The following COL25A1 variants were observed in gnomAD, a reference collection of about 807,000 sequenced individuals.
The protein encoded by COL25A1 is collagen alpha-1(XXV) chain.
In COL25A1, 103 loss-of-function variants were observed where a neutral mutation model predicts 128.4. The observed-to-expected ratio is 0.80, with a 90% confidence interval of 0.68 to 0.94. COL25A1 has a LOEUF of 0.94. COL25A1 is among the 40% of genes least tolerant of loss of function. The pLI, the probability that COL25A1 is intolerant of heterozygous loss-of-function variation, is 0.00. For missense variants in COL25A1, 745 were observed against 840.0 expected, an observed-to-expected ratio of 0.89 and a Z score of 1.40; for synonymous variants, 279 against 277.2, an observed-to-expected ratio of 1.01 and a Z score of -0.06.
chr4:108,883,249 G>C (rs76027490), intron 19 of COL25A1, among the ~76,000 whole-genome samples: 1 of 151,846 alleles, frequency 6.6e-6, no homozygotes, highest in Non-Finnish European at 1.5e-5. Context: ...GGCTGGTTTC[G>C]AACTCCTGAC....
chr4:108,926,206 A>G (rs1746044436), intron 11 of COL25A1, among the ~76,000 whole-genome samples: 1 of 152,174 alleles, frequency 6.6e-6, no homozygotes, highest in African/African-American at 2.4e-5. Context: ...GCCTCTTGGG[A>G]CATGTTTTAA....
intron 6 of COL25A1, among the ~76,000 whole-genome samples, chr4:108,974,941 T>C (rs1370195517): frequency 1.3e-5 from 2 of 152,182 alleles, no homozygotes; most frequent in Non-Finnish European, 2.9e-5. Context: ...CCTGACAATA[T>C]AGATTAGCTT....
At chr4:109,155,842 A>G (rs190122327) in intron 3 of COL25A1, among the ~76,000 whole-genome samples, 25 of 152,350 alleles carry the variant, frequency 1.6e-4, no homozygotes, top group Admixed American at 1.6e-3. Context: ...AAATTAGCCA[A>G]TGCTTTTGGA....
At chr4:108,988,391 C>T (rs1753850162) in intron 6 of COL25A1, among the ~76,000 whole-genome samples, 1 of 152,194 alleles carries the variant, frequency 6.6e-6, no homozygotes, top group South Asian at 2.1e-4. Flanking sequence ...GTGTATCCAA[C>T]ATGCTTCCAA....
intron 24 of COL25A1, among the ~76,000 whole-genome samples, chr4:108,859,150 T>G (rs1375620317): frequency 6.6e-6 from 1 of 152,188 alleles, no homozygotes; most frequent in African/African-American, 2.4e-5. Flanking sequence ...TCTAAGAGTA[T>G]AATATATATT....
rs181023536 is a variant in COL25A1 at position 109,111,171 on chromosome 4, C to T, written c.368-60992G>A. On this transcript the variant is annotated intron_variant, in intron 3 of 37. Transcript: ENST00000399132. ...TATTTGATGTACTATGTGGTGTTTT[C>T]GCAATGACTGTTCTTTCTGCAGGAA... Among the ~76,000 whole-genome samples, 325 of 152,288 alleles carry T rather than the reference C, an allele frequency of 2.1e-3. 3 individuals are homozygous for T. The highest frequency in any genetic ancestry group is 7.2e-3 in the African/African-American group (298 of 41,574).
chr4:108,901,092 A>G (rs1253179537), intron 14 of COL25A1, 27 bp downstream of exon 14: 16 of 1,568,810 alleles, frequency 1.0e-5, no homozygotes, highest in Non-Finnish European at 1.3e-5. Context: ...GTGTCAAATG[A>G]TTCTGCTTGG....
chr4:108,967,664 T>C (rs952815301), intron 8 of COL25A1, among the ~76,000 whole-genome samples: 5 of 152,216 alleles, frequency 3.3e-5, no homozygotes, highest in Non-Finnish European at 7.4e-5. Context: ...TCCTCCCTGA[T>C]AATCTATCTC....
At chr4:109,110,857 T>C (rs1031503783) in intron 3 of COL25A1, among the ~76,000 whole-genome samples, 1 of 152,232 alleles carries the variant, frequency 6.6e-6, no homozygotes, top group Non-Finnish European at 1.5e-5. Flanking sequence ...ACCACCATCT[T>C]AGTCTAGCTC....
At chr4:109,122,184 T>C (rs542249493) in intron 3 of COL25A1, among the ~76,000 whole-genome samples, 19 of 152,236 alleles carry the variant, frequency 1.2e-4, no homozygotes, top group South Asian at 4.1e-4. Context: ...TTCTGTAGGA[T>C]ACTACAGTGT....
intron 19 of COL25A1, among the ~76,000 whole-genome samples, chr4:108,876,351 T>G (rs1229105625): frequency 6.6e-6 from 1 of 151,826 alleles, no homozygotes; most frequent in Non-Finnish European, 1.5e-5. Context: ...AGAGAAATAA[T>G]AGAGAGGAAC....
At chr4:109,227,134 C>A (rs559304039) in intron 3 of COL25A1, among the ~76,000 whole-genome samples, 1 of 152,138 alleles carries the variant, frequency 6.6e-6, no homozygotes, top group Non-Finnish European at 1.5e-5. Flanking sequence ...TTCACAAATG[C>A]AGATGTACAA....
rs1451804179 is a variant in COL25A1, at chr4:109,269,928, TA to T, written c.367+30654del. Among the ~76,000 whole-genome samples, 20 of 152,240 alleles carry T rather than the reference TA, an allele frequency of 1.3e-4. No individual in the cohort carries two copies. The East Asian group carries it at 3.7e-3, about 28-fold the overall frequency. ...GGCTGGTTCAATACACACAAATCAATAAATGTAATCCAGCATATAAACAGAG... is the reference window on the plus strand; with the variant it reads ...GGCTGGTTCAATACACACAAATCAATAATGTAATCCAGCATATAAACAGAG... On this transcript the variant is annotated intron_variant, in intron 3 of 37. Coordinates refer to ENST00000399132, the MANE Select transcript of COL25A1 (RefSeq NM_198721.4).
chr4:108,901,805 G>A (rs143843056), intron 13 of COL25A1, among the ~76,000 whole-genome samples: 15 of 152,084 alleles, frequency 9.9e-5, no homozygotes, highest in African/African-American at 3.6e-4. Context: ...TGGCTATTAG[G>A]CTAGAAAAAT....
intron 19 of COL25A1, among the ~76,000 whole-genome samples, chr4:108,879,269 T>C (rs1374291964): frequency 6.6e-6 from 1 of 152,222 alleles, no homozygotes; most frequent in East Asian, 1.9e-4. Context: ...TTTTCACTAA[T>C]GTGGAAGCCA....
intron 3 of COL25A1, among the ~76,000 whole-genome samples, chr4:109,102,201 A>T (rs1468120643): frequency 6.6e-6 from 1 of 152,154 alleles, no homozygotes; most frequent in Non-Finnish European, 1.5e-5. Flanking sequence ...TTACATGTAA[A>T]ATATAATGTA....
chr4:109,299,043 T>C (rs1578671737), intron 3 of COL25A1, among the ~76,000 whole-genome samples: 1 of 152,376 alleles, frequency 6.6e-6, no homozygotes, highest in South Asian at 2.1e-4. Context: ...GAAACAATTA[T>C]ATCTTCTCAA....
chr4:108,998,780 G>A (rs1306638104), intron 6 of COL25A1, among the ~76,000 whole-genome samples: 1 of 152,084 alleles, frequency 6.6e-6, no homozygotes, highest in Non-Finnish European at 1.5e-5. Flanking sequence ...TAGACCAATG[G>A]AACAGAACAG....
At chr4:109,159,028 C>T (rs751068560) in intron 3 of COL25A1, among the ~76,000 whole-genome samples, 2 of 151,976 alleles carry the variant, frequency 1.3e-5, no homozygotes, top group Non-Finnish European at 2.9e-5. Flanking sequence ...CTAAAAGCCA[C>T]TCTGTAGTAA....
Sources: gnomAD v4.1 joint callset for allele counts (sites outside exome capture counted in the v4.1 genomes callset) on GRCh38, gnomAD v4.1.1 for gene constraint, MANE v1.5 for transcripts, NCBI Gene and HGNC (gene_info 2026-07-23, HGNC 2026-07-21) for gene names.